PAPPA2: variants seen among roughly 807,000 people sequenced by gnomAD.
PAPPA2 encodes the protein pappalysin 2.
PAPPA2 carries 86 observed loss-of-function variants against 176.4 expected under a neutral mutation model. That is an observed-to-expected ratio of 0.49 (90% CI 0.41 to 0.58). The LOEUF is 0.58. Ranked by LOEUF, PAPPA2 falls within the 20% of genes least tolerant of loss-of-function variation. The pLI, the probability that PAPPA2 is intolerant of heterozygous loss-of-function variation, is 0.00. For synonymous variants in PAPPA2, 809 were observed against 852.2 expected (o/e 0.95, Z 0.88); for missense variants, 2,073 against 2,256.9 (o/e 0.92, Z 1.65).
Position 176,695,807 on chromosome 1 carries a change from C to T in PAPPA2, c.2694C>T (p.Ser898=), listed in dbSNP as rs1279230518. ...TTCGTCAGTATGTGCACACAGCTTCCTCCCGGCGGGTGTGTGACTCCTCAG... is the reference window on the plus strand; with the variant it reads ...TTCGTCAGTATGTGCACACAGCTTCTTCCCGGCGGGTGTGTGACTCCTCAG... ...GTFRQYVHTA[S]SRRVCDSSGY... is the part of the protein sequence containing the mutation. Residue 898 remains serine, a synonymous_variant, in exon 7 of 23, where the codon TCC becomes TCT. Transcript: ENST00000367662. The T allele has an allele frequency of 4.3e-6, 7 of 1,614,106 alleles. No homozygotes were observed. Among genetic ancestry groups the T allele is most frequent in the Non-Finnish European group, 5.9e-6 (7 of 1,180,004 alleles).
intron 3 of PAPPA2, among the ~76,000 whole-genome samples, chr1:176,645,306 T>C (rs1657337005): frequency 6.6e-6 from 1 of 151,780 alleles, no homozygotes; most frequent in Admixed American, 6.6e-5. Context: ...ATGAGATCCA[T>C]GTTTATTAGC....
intron 1 of PAPPA2, chr1:176,553,445 A>AGTGG (rs1651085811): frequency 6.6e-6 from 1 of 152,090 alleles, no homozygotes; most frequent in African/African-American, 2.4e-5. Context: ...ATGATGTCAC[A>AGTGG]GCAAAAGTTA....
At chr1:176,763,318 A>C (rs1263917051) in intron 14 of PAPPA2, among the ~76,000 whole-genome samples, 6 of 152,196 alleles carry the variant, frequency 3.9e-5, no homozygotes, top group Non-Finnish European at 8.8e-5. Flanking sequence ...TAGACTATGT[A>C]TTCCCTAAGA....
At position 176,649,594 on chromosome 1, in the gene PAPPA2, T is replaced by C. The variant is rs200209835; in HGVS notation, c.1992-21376T>C. Among the ~76,000 whole-genome samples the C allele has an allele frequency of 4.0e-5, 6 of 151,438 alleles. No individual in the cohort carries two copies. The East Asian group carries it at 1.2e-3, about 29-fold the overall frequency. ...TTGTTGTATTATAAATTTTGGTATG[T>C]TGTATTTCCATTTTCATTTGTTTTA... On this transcript the variant is annotated intron_variant, in intron 3 of 22. Transcript: ENST00000367662.
intron 14 of PAPPA2, among the ~76,000 whole-genome samples, chr1:176,744,978 A>T (rs1662842204): frequency 6.6e-6 from 1 of 152,142 alleles, no homozygotes; most frequent in Non-Finnish European, 1.5e-5. Flanking sequence ...TACATGTGAG[A>T]TTTGTAACAC....
intron 3 of PAPPA2, among the ~76,000 whole-genome samples, chr1:176,605,746 G>A (rs1457803261): frequency 2.6e-5 from 4 of 152,162 alleles, no homozygotes; most frequent in South Asian, 2.1e-4. Context: ...TTAAGAAACC[G>A]TGGCCAAAAG....
At chr1:176,600,118 C>T (rs1011498738) in intron 3 of PAPPA2, among the ~76,000 whole-genome samples, 5 of 152,054 alleles carry the variant, frequency 3.3e-5, no homozygotes, top group African/African-American at 1.2e-4. Flanking sequence ...GAGGGACACA[C>T]GTAAAGACTA....
chr1:176,572,959 A>T (rs1220929544), intron 2 of PAPPA2, among the ~76,000 whole-genome samples: 1 of 152,216 alleles, frequency 6.6e-6, no homozygotes, highest in African/African-American at 2.4e-5. Flanking sequence ...ACCCCAAAGA[A>T]AATTTCTGAG....
At position 176,789,932 on chromosome 1, in the gene PAPPA2, C is replaced by T. The variant is rs1210650872; in HGVS notation, c.4839C>T (p.Ser1613=). 18 of 1,614,012 alleles carry T rather than the reference C, an allele frequency of 1.1e-5. No individual in the cohort carries two copies. The highest frequency in any genetic ancestry group is 1.5e-5 in the Non-Finnish European group (18 of 1,180,014). The part of the protein sequence containing the change: ...EGMYECTNGF[S]LDSQCVLNCN... ...TGTATGAATGTACCAATGGCTTCAG[C>T]CTGGACAGCCAGTGTGTGCTCAACT... Residue 1613 remains serine, a synonymous_variant, in exon 18 of 23, where the codon AGC becomes AGT. Transcript: ENST00000367662.
intron 21 of PAPPA2, among the ~76,000 whole-genome samples, chr1:176,813,344 A>T (rs1335247387): frequency 6.6e-6 from 1 of 152,130 alleles, no homozygotes; most frequent in African/African-American, 2.4e-5. Flanking sequence ...TTCTGCCTCT[A>T]GGTCTTTGAG....
intron 12 of PAPPA2, among the ~76,000 whole-genome samples, chr1:176,724,847 C>T (rs920802632): frequency 1.3e-5 from 2 of 152,144 alleles, no homozygotes; most frequent in Non-Finnish European, 2.9e-5. Flanking sequence ...AATTCTCATA[C>T]AAATTCTTAC....
chr1:176,616,589 A>G lies in PAPPA2; in HGVS notation c.1991+20994A>G, dbSNP rs756143858. The G allele has an allele frequency of 2.8e-5, 44 of 1,555,310 alleles. No individual in the cohort carries two copies. In the East Asian group the frequency reaches 5.5e-4, roughly 19 times the overall value. ...GTGGTGCACCATCACCAAAAGGCCA[A>G]TTGAGAACATGGATACCTTCTTTCT... is the stretch of plus-strand genomic sequence containing the variant. On this transcript the variant is annotated intron_variant, in intron 3 of 22. Coordinates refer to ENST00000367662, the MANE Select transcript of PAPPA2 (RefSeq NM_020318.3).
At chr1:176,604,480 G>T (rs573311924) in intron 3 of PAPPA2, among the ~76,000 whole-genome samples, 3 of 152,252 alleles carry the variant, frequency 2.0e-5, no homozygotes, top group Admixed American at 2.0e-4. Context: ...ATGGACCATG[G>T]ATCACATCTG....
At position 176,496,628 on chromosome 1, in the gene PAPPA2, C is replaced by T. The variant is rs75460158; in HGVS notation, c.-917+33210C>T. Reference sequence around the variant, plus strand: ...CCTACACTATGAACCCAGATTTCCTCTTTAGCTTATTGCTCATGAAGTCAT... The same window carrying T: ...CCTACACTATGAACCCAGATTTCCTTTTTAGCTTATTGCTCATGAAGTCAT... On this transcript the variant is annotated intron_variant, in intron 1 of 22. Transcript: ENST00000367662. 4.9e-4 allele frequency among the ~76,000 whole-genome samples: 74 copies of T among 152,270 alleles called. No individual in the cohort carries two copies. The East Asian group carries it at 0.013, about 27-fold the overall frequency.
chr1:176,646,744 A>T (rs1657419532), intron 3 of PAPPA2, among the ~76,000 whole-genome samples: 1 of 151,504 alleles, frequency 6.6e-6, no homozygotes, highest in African/African-American at 2.4e-5. Flanking sequence ...ATAGGATCTC[A>T]TTCTTTTTAT....
chr1:176,620,013 A>G (rs1297914033), intron 3 of PAPPA2, among the ~76,000 whole-genome samples: 1 of 152,200 alleles, frequency 6.6e-6, no homozygotes, highest in Non-Finnish European at 1.5e-5. Context: ...GGTGGCTTAT[A>G]AGCCACAGAC....
chr1:176,830,904 G>T (rs895336898), intron 21 of PAPPA2, among the ~76,000 whole-genome samples: 2 of 152,164 alleles, frequency 1.3e-5, no homozygotes. Context: ...AAGCATTGCT[G>T]TGTACTTAGA....
intron 11 of PAPPA2, among the ~76,000 whole-genome samples, chr1:176,710,532 A>G (rs1661097100): frequency 6.6e-6 from 1 of 152,212 alleles, no homozygotes; most frequent in Non-Finnish European, 1.5e-5. Context: ...TGATATAAGT[A>G]AATTCTTGCG....
At chr1:176,749,168 C>T (rs1212962615) in intron 14 of PAPPA2, among the ~76,000 whole-genome samples, 2 of 145,482 alleles carry the variant, frequency 1.4e-5, no homozygotes, top group Non-Finnish European at 3.0e-5. Flanking sequence ...TTATACAAGA[C>T]AGTCGAAAAA....
Sources: gnomAD v4.1 joint callset for allele counts (sites outside exome capture counted in the v4.1 genomes callset) on GRCh38, gnomAD v4.1.1 for gene constraint, MANE v1.5 for transcripts, NCBI Gene and HGNC (gene_info 2026-07-23, HGNC 2026-07-21) for gene names.